Variants in TXNDC16 observed in about 807,000 individuals in gnomAD.
TXNDC16 encodes thioredoxin domain-containing protein 16.
Under a neutral mutation model 85.6 loss-of-function variants are expected in TXNDC16, and 74 were observed. That is an observed-to-expected ratio of 0.86 (90% CI 0.72 to 1.05). The LOEUF (loss-of-function observed/expected upper bound fraction) is 1.05. Ranked by LOEUF, TXNDC16 falls within the 50% of genes least tolerant of loss-of-function variation. The pLI, the probability that TXNDC16 is intolerant of heterozygous loss-of-function variation, is 0.00. For missense variants in TXNDC16, 959 were observed against 947.0 expected (o/e 1.01, Z -0.17); for synonymous variants, 335 against 326.5 (o/e 1.03, Z -0.28).
At chr14:52,463,271 A>T (rs1293131606) in intron 16 of TXNDC16, among the ~76,000 whole-genome samples, 1 of 152,126 alleles carries the variant, frequency 6.6e-6, no homozygotes, top group African/African-American at 2.4e-5. Flanking sequence ...AGTCTGAAAG[A>T]GAACTTACCC....
Position 52,543,549 on chromosome 14 carries a change from G to A in TXNDC16, c.9C>T (p.Ser3=), listed in dbSNP as rs146639994. Residue 3 remains serine, a synonymous_variant, in exon 3 of 21, where the codon TCC becomes TCT. Coordinates refer to ENST00000281741, the MANE Select transcript of TXNDC16 (RefSeq NM_020784.3). ...TCCCAACTCTAAAGACATTGAAGCC[G>A]GAAAACATTATCAGCTGCAGTTGTA... is the stretch of plus-strand genomic sequence containing the variant. The part of the protein sequence containing the change: MF[S]GFNVFRVGIS... The A allele has an allele frequency of 4.0e-4, 644 of 1,612,838 alleles. 2 individuals carry two copies. The highest frequency in any genetic ancestry group is 3.5e-3 in the Middle Eastern group (21 of 6,056).
chr14:52,488,466 C>A lies in TXNDC16; in HGVS notation c.1005G>T (p.Leu335Phe). 1 of 1,599,458 alleles carries A rather than the reference C, an allele frequency of 6.3e-7. No homozygotes were observed. The highest frequency in any genetic ancestry group is 8.6e-7 in the Non-Finnish European group (1 of 1,168,564). The change falls in exon 12 of 21, where the codon TTG becomes TTT. Residue 335 changes from leucine (L) to phenylalanine (F), a missense_variant. By Grantham distance (22) the Leu-to-Phe change is conservative (BLOSUM62 0). Coordinates refer to ENST00000281741, the MANE Select transcript of TXNDC16 (RefSeq NM_020784.3). ...RAEEGVPVEF[L>F]VLHDVDLIIS... ...TTATTAAATCAACATCATGTAATAC[C>A]AAAAATTCCACTGGAACTCCCTAGA...
At chr14:52,436,817 A>G (rs893927244) in intron 20 of TXNDC16, among the ~76,000 whole-genome samples, 1 of 152,118 alleles carries the variant, frequency 6.6e-6, no homozygotes, top group Admixed American at 6.5e-5. Flanking sequence ...GTATGTGTAT[A>G]TACATACGTA....
intron 7 of TXNDC16, among the ~76,000 whole-genome samples, chr14:52,518,079 C>T (rs909375853): frequency 3.3e-5 from 5 of 152,206 alleles, no homozygotes; most frequent in Admixed American, 3.3e-4. Context: ...CCTTAAAACT[C>T]TATCTTTACC....
In TXNDC16 at chr14:52,431,324, G is replaced by A. The variant is rs1362536254; in HGVS notation, c.*980C>T. 1 of 152,166 alleles carries A rather than the reference G, an allele frequency of 6.6e-6. No homozygotes were observed. Among genetic ancestry groups the A allele is most frequent in the African/African-American group, 2.4e-5 (1 of 41,440 alleles). The allele number at this position is 152,166 out of a possible 1,614,324, so 9.4% of individuals were successfully genotyped here. On this transcript the variant is annotated 3_prime_UTR_variant, in exon 21 of 21. Transcript: ENST00000281741. Reference sequence around the variant, plus strand: ...GAATCCCTGTTCAATCTGAAATTTAGCCATATAACTTGTAGAAATAAGAGG... The same window carrying A: ...GAATCCCTGTTCAATCTGAAATTTAACCATATAACTTGTAGAAATAAGAGG...
chr14:52,434,170 G>A (rs930327440), intron 20 of TXNDC16, among the ~76,000 whole-genome samples: 5 of 152,208 alleles, frequency 3.3e-5, no homozygotes, highest in Non-Finnish European at 7.3e-5. Flanking sequence ...ACCTGGATGA[G>A]AGAGTGTGAC....
chr14:52,506,012 G>A (rs192838703), intron 9 of TXNDC16, among the ~76,000 whole-genome samples: 1 of 152,270 alleles, frequency 6.6e-6, no homozygotes, highest in African/African-American at 2.4e-5. Context: ...ACTCTCCTAA[G>A]ACTAAACCAG....
intron 6 of TXNDC16, among the ~76,000 whole-genome samples, chr14:52,530,263 T>TAA (rs1456568726): frequency 5.2e-4 from 34 of 65,418 alleles, no homozygotes; most frequent in African/African-American, 2.2e-3. Flanking sequence ...TATTATATAA[T>TAA]ATATATTATT....
intron 20 of TXNDC16, among the ~76,000 whole-genome samples, chr14:52,434,313 C>T (rs1373126600): frequency 6.6e-6 from 1 of 152,176 alleles, no homozygotes; most frequent in South Asian, 2.1e-4. Context: ...CCTGAAACAT[C>T]CCAATTCTGC....
At chr14:52,498,483 A>C (rs1431931587) in intron 9 of TXNDC16, among the ~76,000 whole-genome samples, 2 of 152,110 alleles carry the variant, frequency 1.3e-5, no homozygotes, top group Non-Finnish European at 2.9e-5. Context: ...CAGGATACAA[A>C]ATCAGCATAC....
chr14:52,506,080 A>C (rs1173451860), intron 9 of TXNDC16, among the ~76,000 whole-genome samples: 3 of 152,208 alleles, frequency 2.0e-5, no homozygotes, highest in African/African-American at 7.2e-5. Context: ...GGCAATAATT[A>C]ATAGCTTACC....
At chr14:52,447,002 C>T (rs1020399769) in intron 18 of TXNDC16, among the ~76,000 whole-genome samples, 3 of 151,598 alleles carry the variant, frequency 2.0e-5, no homozygotes, top group Non-Finnish European at 2.9e-5. Flanking sequence ...TGGGGTGAGA[C>T]TCCTTCTGCT....
chr14:52,532,190 C>G (rs1260518993), intron 6 of TXNDC16, among the ~76,000 whole-genome samples: 1 of 151,938 alleles, frequency 6.6e-6, no homozygotes, highest in East Asian at 1.9e-4. Flanking sequence ...ATAAGGAGAG[C>G]TCCTAGAAAT....
chr14:52,492,756 G>A (rs2036437420), intron 9 of TXNDC16, among the ~76,000 whole-genome samples: 2 of 152,130 alleles, frequency 1.3e-5, no homozygotes, highest in Non-Finnish European at 2.9e-5. Flanking sequence ...TCAGGGGGCA[G>A]AAATGTCAAG....
intron 16 of TXNDC16, among the ~76,000 whole-genome samples, chr14:52,464,539 T>C (rs1005425234): frequency 6.6e-6 from 1 of 152,174 alleles, no homozygotes; most frequent in African/African-American, 2.4e-5. Context: ...CTGTCAACCG[T>C]TGGAGCAAAA....
chr14:52,458,537 ACT>A (rs1223793768), intron 16 of TXNDC16, among the ~76,000 whole-genome samples: 1 of 151,090 alleles, frequency 6.6e-6, no homozygotes. Context: ...ACAGAGCGAG[ACT>A]CTGTCTCAAA....
rs1302965830 is a variant in TXNDC16 at position 52,530,390 on chromosome 14, T to A, written c.392+6329A>T. ...TTATTATATAATATTATATATAATA[T>A]TATAATATAATATATAATTATTATA... On this transcript the variant is annotated intron_variant, in intron 6 of 20. Transcript: ENST00000281741. 1.2e-3 allele frequency among the ~76,000 whole-genome samples: 17 copies of A among 13,846 alleles called. 2 individuals are homozygous for A. Among genetic ancestry groups the A allele is most frequent in the African/African-American group, 5.3e-3 (11 of 2,066 alleles). The allele number at this position is 13,846 out of a possible 152,430, so 9.1% of individuals were successfully genotyped here.
Position 52,514,917 on chromosome 14 carries a change from C to T in TXNDC16, c.568G>A (p.Val190Ile). Residue 190 changes from valine (V) to isoleucine (I), a missense_variant, in exon 8 of 21, where the codon GTC (valine) becomes ATC (isoleucine). By Grantham distance (29) the Val-to-Ile change is conservative (BLOSUM62 3). Coordinates refer to ENST00000281741, the MANE Select transcript of TXNDC16 (RefSeq NM_020784.3). Reference protein sequence around the residue: ...AFVYGTTYQFVLTTEIALLES... With the variant: ...AFVYGTTYQFILTTEIALLES... ...AAAAGGGCAATTTCTGTGGTTAAGA[C>T]AAATTGGTATGTAGTCCCATACACA... 1.2e-6 allele frequency: 2 copies of T among 1,612,536 alleles called. No individual in the cohort carries two copies.
intron 14 of TXNDC16, among the ~76,000 whole-genome samples, chr14:52,475,070 A>G (rs141383549): frequency 1.2e-4 from 19 of 152,288 alleles, no homozygotes; most frequent in African/African-American, 4.6e-4. Context: ...GGTCTAGATT[A>G]CGGGAGAAGA....
Sources: gnomAD v4.1 joint callset for allele counts (sites outside exome capture counted in the v4.1 genomes callset) on GRCh38, gnomAD v4.1.1 for gene constraint, MANE v1.5 for transcripts, NCBI Gene and HGNC (gene_info 2026-07-23, HGNC 2026-07-21) for gene names.